ANGPT1: variants seen among roughly 807,000 people sequenced by gnomAD.
The protein encoded by ANGPT1 is angiopoietin-1.
ANGPT1 carries 17 observed loss-of-function variants against 62.2 expected under a neutral mutation model. The observed-to-expected ratio is 0.27, with a 90% CI of 0.19 to 0.41. ANGPT1 has a LOEUF of 0.41. Ranked by LOEUF, ANGPT1 falls within the 10% of genes least tolerant of loss-of-function variation. ANGPT1 has a pLI of 1.00. For missense variants in ANGPT1, 478 were observed against 594.9 expected, an observed-to-expected ratio of 0.80 and a Z score of 2.04; for synonymous variants, 199 against 198.9, an observed-to-expected ratio of 1.00 and a Z score of 0.00.
At chr8:107,280,209 T>C (rs1045911024) in intron 7 of ANGPT1, among the ~76,000 whole-genome samples, 1 of 152,038 alleles carries the variant, frequency 6.6e-6, no homozygotes, top group South Asian at 2.1e-4. Context: ...TTTTTTTATT[T>C]TTTTTTTTGA....
At chr8:107,346,152 G>A (rs1034889241) in intron 2 of ANGPT1, among the ~76,000 whole-genome samples, 3 of 151,966 alleles carry the variant, frequency 2.0e-5, no homozygotes, top group African/African-American at 2.4e-5. Context: ...TGCCAGTATC[G>A]CAAATGAAAG....
At chr8:107,334,528 T>C (rs954577476) in intron 3 of ANGPT1, among the ~76,000 whole-genome samples, 22 of 150,488 alleles carry the variant, frequency 1.5e-4, no homozygotes, top group African/African-American at 5.5e-4. Flanking sequence ...TTAATTTTCC[T>C]GTGTGTTTTT....
chr8:107,370,170 G>GTAAGA (rs1554586907), intron 1 of ANGPT1, among the ~76,000 whole-genome samples: 1 of 98,820 alleles, frequency 1.0e-5, no homozygotes, highest in Non-Finnish European at 2.1e-5. Context: ...GAAAGAAAGA[G>GTAAGA]AGAAAGAAGA....
rs185882385 is a variant in ANGPT1 at position 107,307,325 on chromosome 8, C to A, written c.809-3958G>T. Among the ~76,000 whole-genome samples, 8 of 152,218 alleles carry A rather than the reference C, an allele frequency of 5.3e-5. No homozygotes were observed. In the East Asian group the frequency reaches 1.5e-3, roughly 29 times the overall value. The stretch of plus-strand genomic sequence containing the variant: ...CTTTGCATAGGTAAATCCCAACCCC[C>A]AGATGGGCATTCATTCACTTTCTCA... On this transcript the variant is annotated intron_variant, in intron 4 of 8. Transcript: ENST00000517746.
rs965754844 is a variant in ANGPT1, at chr8:107,372,646, G to A, written c.298-25549C>T. ...TTTCTCGAAATGTCTGCTCCTTAAAGACCATGGCCCAGAGAAAGAAAGTCT... is the reference window on the plus strand; with the variant it reads ...TTTCTCGAAATGTCTGCTCCTTAAAAACCATGGCCCAGAGAAAGAAAGTCT... On this transcript the variant is annotated intron_variant, in intron 1 of 8. Transcript: ENST00000517746. 2.6e-5 allele frequency among the ~76,000 whole-genome samples: 4 copies of A among 152,028 alleles called. No homozygotes were observed. The East Asian group carries it at 7.7e-4, about 29-fold the overall frequency.
intron 1 of ANGPT1, among the ~76,000 whole-genome samples, chr8:107,392,666 C>G (rs994221811): frequency 2.6e-5 from 4 of 152,158 alleles, no homozygotes; most frequent in African/African-American, 9.6e-5. Context: ...GAGTCTCCCA[C>G]TTTCCTTAGG....
Position 107,336,163 on chromosome 8 carries a change from G to A in ANGPT1, c.562C>T (p.His188Tyr), listed in dbSNP as rs1402073355. The A allele has an allele frequency of 1.3e-6, 2 of 1,597,230 alleles. No homozygotes were observed. The highest frequency in any genetic ancestry group is 2.7e-5 in the African/African-American group (2 of 73,472). ...AGCAATCCTCACCTGTTTTTTTCAT[G>A]GATCTTCAAGATTTCATTTGTCTGT... The part of the protein sequence containing the change: ...LQQTNEILKI[H>Y]EKNSLLEHKI... The change falls in exon 3 of 9, where the codon CAT (histidine) becomes TAT (tyrosine). Residue 188 changes from histidine to tyrosine, a missense_variant. Physicochemically the swap from His to Tyr is moderately conservative, Grantham distance 83. Transcript: ENST00000517746.
intron 4 of ANGPT1, among the ~76,000 whole-genome samples, chr8:107,314,854 C>T (rs1285340991): frequency 6.6e-6 from 1 of 152,130 alleles, no homozygotes; most frequent in Non-Finnish European, 1.5e-5. Context: ...ATATGACTGA[C>T]ATTCAAAAAG....
chr8:107,251,705 G>T lies in ANGPT1; in HGVS notation c.*150C>A. 1 of 981,548 alleles carries T rather than the reference G, an allele frequency of 1.0e-6. No individual in the cohort carries two copies. The highest frequency in any genetic ancestry group is 1.5e-6 in the Non-Finnish European group (1 of 684,304). The allele number at this position is 981,548 out of a possible 1,614,324, so 60.8% of individuals were successfully genotyped here. On this transcript the variant is annotated 3_prime_UTR_variant, in exon 9 of 9. Transcript: ENST00000517746. Reference sequence around the variant, plus strand: ...TGAACTCAAACGGCTCCAGATTCACGGTCAAGAACCTTGGTGACTTCACAT... The same window carrying T: ...TGAACTCAAACGGCTCCAGATTCACTGTCAAGAACCTTGGTGACTTCACAT...
At chr8:107,274,330 C>A (rs2130084541) in intron 7 of ANGPT1, among the ~76,000 whole-genome samples, 1 of 152,184 alleles carries the variant, frequency 6.6e-6, no homozygotes, top group African/African-American at 2.4e-5. Flanking sequence ...CTGGATAAAG[C>A]AATGAAGGCA....
chr8:107,475,097 A>G (rs944546676), intron 1 of ANGPT1, among the ~76,000 whole-genome samples: 1 of 152,214 alleles, frequency 6.6e-6, no homozygotes, highest in Admixed American at 6.5e-5. Flanking sequence ...TAAAGTTCAT[A>G]TGGAACTAAA....
At chr8:107,321,867 C>T in intron 4 of ANGPT1, 29 bp downstream of exon 4, 3 of 1,584,254 alleles carry the variant, frequency 1.9e-6, no homozygotes, top group South Asian at 1.1e-5. Flanking sequence ...AAAATATTAA[C>T]AATACCAAAG....
chr8:107,399,659 A>G (rs1016636454), intron 1 of ANGPT1, among the ~76,000 whole-genome samples: 4 of 152,048 alleles, frequency 2.6e-5, no homozygotes, highest in South Asian at 4.2e-4. Flanking sequence ...CCTGATTCCA[A>G]CCCTCTCCCA....
chr8:107,355,324 T>C (rs1816019957), intron 1 of ANGPT1, among the ~76,000 whole-genome samples: 1 of 152,160 alleles, frequency 6.6e-6, no homozygotes, highest in Admixed American at 6.5e-5. Context: ...TTCTTCTGGA[T>C]TTGTTAATGG....
At chr8:107,360,937 T>A (rs1239475673) in intron 1 of ANGPT1, among the ~76,000 whole-genome samples, 1 of 152,216 alleles carries the variant, frequency 6.6e-6, no homozygotes, top group African/African-American at 2.4e-5. Flanking sequence ...CAAGTTGACT[T>A]ATTCTTTCCT....
chr8:107,253,683 G>T (rs745842285), intron 8 of ANGPT1, among the ~76,000 whole-genome samples: 1 of 152,084 alleles, frequency 6.6e-6, no homozygotes, highest in Non-Finnish European at 1.5e-5. Context: ...TTGTTTATTT[G>T]GTTTATAGAA....
intron 1 of ANGPT1, among the ~76,000 whole-genome samples, chr8:107,385,920 A>G (rs1169219208): frequency 6.6e-6 from 1 of 152,020 alleles, no homozygotes; most frequent in Non-Finnish European, 1.5e-5. Context: ...CTGTTGCTGT[A>G]CTGAATCACA....
intron 1 of ANGPT1, among the ~76,000 whole-genome samples, chr8:107,425,235 G>T (rs577285789): frequency 4.3e-4 from 66 of 152,230 alleles, no homozygotes; most frequent in Non-Finnish European, 7.4e-4. Context: ...AAGGAATATT[G>T]TTTGGTATCT....
At chr8:107,475,822 G>T (rs1362354969) in intron 1 of ANGPT1, among the ~76,000 whole-genome samples, 1 of 152,058 alleles carries the variant, frequency 6.6e-6, no homozygotes, top group African/African-American at 2.4e-5. Context: ...GCAGGCAACA[G>T]ACACATGAAA....
Sources: allele counts gnomAD v4.1 joint callset (sites outside exome capture counted in the v4.1 genomes callset), GRCh38; gene constraint gnomAD v4.1.1; transcripts MANE v1.5; gene names NCBI Gene and HGNC (gene_info 2026-07-23, HGNC 2026-07-21).